Variants in SRGAP2C observed in about 807,000 individuals in gnomAD.
SRGAP2C encodes SLIT-ROBO Rho GTPase activating protein 2C.
Under a neutral mutation model 25.1 loss-of-function variants are expected in SRGAP2C, and 15 were observed. The observed-to-expected ratio is 0.60, with a 90% confidence interval of 0.40 to 0.92. SRGAP2C has a LOEUF of 0.92. Ranked by LOEUF, SRGAP2C falls within the 40% of genes least tolerant of loss-of-function variation. The pLI is 0.00. For missense variants in SRGAP2C, 144 were observed against 264.4 expected (o/e 0.54, Z 3.16); for synonymous variants, 44 against 96.6 (o/e 0.46, Z 3.19).
At chr1:121,271,217 G>T (rs1410735824) in intron 2 of SRGAP2C, among the ~76,000 whole-genome samples, 2 of 148,640 alleles carry the variant, frequency 1.3e-5, no homozygotes, top group African/African-American at 2.5e-5. Flanking sequence ...GTGGTGTTTA[G>T]ATCAGCAACT....
chr1:121,272,373 C>T (rs1656987543), intron 2 of SRGAP2C, among the ~76,000 whole-genome samples: 2 of 151,610 alleles, frequency 1.3e-5, no homozygotes, highest in African/African-American at 4.8e-5. Context: ...GTGGAGCTGG[C>T]ATTTTGAGCC....
intron 2 of SRGAP2C, among the ~76,000 whole-genome samples, chr1:121,222,381 C>T (rs1156407767): frequency 3.3e-5 from 5 of 152,088 alleles, no homozygotes; most frequent in Admixed American, 6.5e-5. Context: ...GTAATCCCAC[C>T]ACTTTGGGAG....
At chr1:121,312,622 G>T (rs1160210552) in intron 3 of SRGAP2C, among the ~76,000 whole-genome samples, 1 of 123,592 alleles carries the variant, frequency 8.1e-6, no homozygotes, top group Admixed American at 8.6e-5. Context: ...CTGGTATGTT[G>T]TGTGTTTTTT....
At chr1:121,357,004 C>A (rs1553347746) in intron 4 of SRGAP2C, among the ~76,000 whole-genome samples, 4 of 150,868 alleles carry the variant, frequency 2.7e-5, no homozygotes, top group Non-Finnish European at 5.9e-5. Context: ...GAACTCCCAC[C>A]CTTGTCCCGA....
intron 3 of SRGAP2C, among the ~76,000 whole-genome samples, chr1:121,295,296 G>T (rs1298085644): frequency 9.9e-5 from 15 of 151,352 alleles, no homozygotes; most frequent in Non-Finnish European, 1.9e-4. Context: ...ATAGACACTG[G>T]AAACCACTGA....
At chr1:121,331,924 T>C (rs1455385073) in intron 4 of SRGAP2C, among the ~76,000 whole-genome samples, 3 of 151,866 alleles carry the variant, frequency 2.0e-5, no homozygotes, top group Non-Finnish European at 2.9e-5. Flanking sequence ...AGGATGGGGA[T>C]GAAGGATTGA....
At chr1:121,286,158 A>T (rs1287725478) in intron 3 of SRGAP2C, among the ~76,000 whole-genome samples, 1 of 151,076 alleles carries the variant, frequency 6.6e-6, no homozygotes, top group Non-Finnish European at 1.5e-5. Flanking sequence ...TTGTGATCGG[A>T]GTTAATCTTC....
At chr1:121,346,718 A>G (rs1570796624) in intron 4 of SRGAP2C, among the ~76,000 whole-genome samples, 1 of 152,328 alleles carries the variant, frequency 6.6e-6, no homozygotes, top group South Asian at 2.1e-4. Context: ...GTCATGAAAC[A>G]ATAGCCCTTT....
intron 2 of SRGAP2C, among the ~76,000 whole-genome samples, chr1:121,225,859 C>G (rs1655653654): frequency 7.2e-6 from 1 of 138,678 alleles, no homozygotes; most frequent in Admixed American, 7.3e-5. Context: ...CGCCCGCCAC[C>G]ACGCCCAGCT....
At chr1:121,360,016 A>G (rs1307705737) in intron 4 of SRGAP2C, 3 of 152,020 alleles carry the variant, frequency 2.0e-5, no homozygotes, top group Non-Finnish European at 4.4e-5. Context: ...GTAAAAATGC[A>G]CCAATCAGTG....
intron 5 of SRGAP2C, among the ~76,000 whole-genome samples, chr1:121,370,949 C>A (rs1357349901): frequency 1.7e-4 from 25 of 151,358 alleles, no homozygotes; most frequent in African/African-American, 5.8e-4. Flanking sequence ...TCAATTTATA[C>A]CTAAATGATA....
chr1:121,359,670 A>G (rs1445189294), intron 4 of SRGAP2C, among the ~76,000 whole-genome samples: 1 of 152,200 alleles, frequency 6.6e-6, no homozygotes. Flanking sequence ...TGGGAAGCTG[A>G]GGGAAGAGGA....
intron 2 of SRGAP2C, among the ~76,000 whole-genome samples, chr1:121,271,455 G>T (rs1387155081): frequency 2.6e-5 from 4 of 151,716 alleles, no homozygotes; most frequent in African/African-American, 7.3e-5. Flanking sequence ...GGAGGATACG[G>T]AATGTACAGT....
At chr1:121,285,415 C>CACACACACAG (rs1179434799) in intron 3 of SRGAP2C, among the ~76,000 whole-genome samples, 2 of 148,640 alleles carry the variant, frequency 1.3e-5, no homozygotes, top group Non-Finnish European at 3.0e-5. Context: ...CACACACACA[C>CACACACACAG]ACACACACAC....
At chr1:121,366,010 G>A (rs1346073211) in intron 5 of SRGAP2C, among the ~76,000 whole-genome samples, 4 of 142,560 alleles carry the variant, frequency 2.8e-5, no homozygotes, top group African/African-American at 5.2e-5. Flanking sequence ...TAATTCATGC[G>A]CAGAGAGGTG....
At chr1:121,266,259 G>A (rs1656778170) in intron 2 of SRGAP2C, among the ~76,000 whole-genome samples, 1 of 150,022 alleles carries the variant, frequency 6.7e-6, no homozygotes, top group Non-Finnish European at 1.5e-5. Flanking sequence ...ATAGGCTTGA[G>A]CCACCATGCC....
At chr1:121,192,179 T>G (rs1654703944) in intron 2 of SRGAP2C, among the ~76,000 whole-genome samples, 1 of 150,926 alleles carries the variant, frequency 6.6e-6, no homozygotes, top group South Asian at 2.1e-4. Context: ...CCAACAAAGG[T>G]CTTCTCCAAA....
chr1:121,332,717 CGTTTG>C (rs1658458016), intron 4 of SRGAP2C, among the ~76,000 whole-genome samples: 4 of 74,886 alleles, frequency 5.3e-5, no homozygotes, highest in African/African-American at 2.2e-4. Flanking sequence ...GTTTGGTATC[CGTTTG>C]GACTGAGATA....
At chr1:121,207,531 GTGGTGC>G (rs1655145707) in intron 2 of SRGAP2C, among the ~76,000 whole-genome samples, 2 of 152,178 alleles carry the variant, frequency 1.3e-5, no homozygotes, top group African/African-American at 4.8e-5. Flanking sequence ...ACATGACTAG[GTGGTGC>G]TGGTGCTGTT....
Sources: gnomAD v4.1 joint callset for allele counts (sites outside exome capture counted in the v4.1 genomes callset) on GRCh38, gnomAD v4.1.1 for gene constraint, MANE v1.5 for transcripts, NCBI Gene and HGNC (gene_info 2026-07-23, HGNC 2026-07-21) for gene names.